ORAI2: variants seen among roughly 807,000 people sequenced by gnomAD.
The protein encoded by ORAI2 is ORAI calcium release-activated calcium modulator 2.
Under a neutral mutation model 16.2 loss-of-function variants are expected in ORAI2, and 10 were observed. The observed-to-expected ratio is 0.62, with a 90% CI of 0.38 to 1.04. The LOEUF is 1.04. ORAI2 is among the 50% of genes least tolerant of loss of function. The pLI, the probability that ORAI2 is intolerant of heterozygous loss-of-function variation, is 0.01. For missense variants in ORAI2, 238 were observed against 355.5 expected, an observed-to-expected ratio of 0.67 and a Z score of 2.66; for synonymous variants, 150 against 157.5, an observed-to-expected ratio of 0.95 and a Z score of 0.35.
chr7:102,447,119 A>T lies in ORAI2; in HGVS notation c.*67A>T. ...GTCCGCAGAGGCGGGGATTTGTCAG[A>T]TGCAGACATTTTGCAAGGCTGCCGG... On this transcript the variant is annotated 3_prime_UTR_variant, in exon 4 of 4. Transcript: ENST00000495936. The T allele has an allele frequency of 7.0e-7, 1 of 1,438,332 alleles. No homozygotes were observed. Among genetic ancestry groups the T allele is most frequent in the Non-Finnish European group, 9.1e-7 (1 of 1,098,210 alleles). The allele number at this position is 1,438,332 out of a possible 1,614,324, so 89.1% of individuals were successfully genotyped here. A position where few individuals can be genotyped will look rare whatever the true frequency, so the allele number is the denominator to read the frequency against.
At position 102,436,340 on chromosome 7, in the gene ORAI2, G is replaced by A; in HGVS notation, c.-14+7G>A. 1.0e-6 allele frequency: 1 copy of A among 985,400 alleles called. No homozygotes were observed. The highest frequency in any genetic ancestry group is 1.2e-6 in the Non-Finnish European group (1 of 829,940). The allele number at this position is 985,400 out of a possible 1,614,324, so 61.0% of individuals were successfully genotyped here. A position where few individuals can be genotyped will look rare whatever the true frequency, so the allele number is the denominator to read the frequency against. ...CATTCGTATAAATGACCTGGTAATTGGCATCCCCTGGCAGAAATAGCACAG... is the reference window on the plus strand; with the variant it reads ...CATTCGTATAAATGACCTGGTAATTAGCATCCCCTGGCAGAAATAGCACAG... On this transcript the variant is annotated splice_region_variant and intron_variant, in intron 2 of 3. Transcript: ENST00000495936.
Position 102,447,198 on chromosome 7 carries a change from C to G in ORAI2, c.*146C>G, listed in dbSNP as rs934434568. The stretch of plus-strand genomic sequence containing the variant: ...TCTTAATACCATAAGGACTGGATGA[C>G]TTCTCCTGAGATAGAACCGTTTGGT... On this transcript the variant is annotated 3_prime_UTR_variant, in exon 4 of 4. Coordinates refer to ENST00000495936, the MANE Select transcript of ORAI2 (RefSeq NM_001126340.3). 4.4e-5 allele frequency: 39 copies of G among 895,364 alleles called. No individual in the cohort carries two copies. The African/African-American group carries it at 5.4e-4, about 12-fold the overall frequency. 55.5% of individuals were successfully genotyped at this position (895,364 alleles called of 1,614,324 possible).
At position 102,437,225 on chromosome 7, in the gene ORAI2, C is replaced by T. The variant is rs558816830; in HGVS notation, c.-14+892C>T. The stretch of plus-strand genomic sequence containing the variant: ...TGTGGTCATGTGAGTTGGTGGATTT[C>T]ATTTTTCATCTTGCTAAAAGTTTGC... On this transcript the variant is annotated intron_variant, in intron 2 of 3. Transcript: ENST00000495936. 3.3e-5 allele frequency among the ~76,000 whole-genome samples: 5 copies of T among 152,304 alleles called. No homozygotes were observed. In the South Asian group the frequency reaches 6.2e-4, roughly 19 times the overall value.
intron 2 of ORAI2, among the ~76,000 whole-genome samples, chr7:102,438,255 G>A (rs1223434028): frequency 6.7e-6 from 1 of 149,906 alleles, no homozygotes; most frequent in East Asian, 2.0e-4. Context: ...GGCTGAGGCA[G>A]GAGAATCGCT....
In ORAI2 at chr7:102,453,929, A is replaced by G. The variant is rs536416157; in HGVS notation, c.*6877A>G. The G allele has an allele frequency of 6.6e-6, 1 of 152,100 alleles. No homozygotes were observed. The highest frequency in any genetic ancestry group is 2.1e-4 in the South Asian group (1 of 4,812). The allele number at this position is 152,100 out of a possible 1,614,324, so 9.4% of individuals were successfully genotyped here. A position where few individuals can be genotyped will look rare whatever the true frequency, so the allele number is the denominator to read the frequency against. ...TTTTTAGTAGAGACGGGGTTTTGCC[A>G]TGTTGGCCAGGCTGGTCTTGAACTC... On this transcript the variant is annotated 3_prime_UTR_variant, in exon 4 of 4. Coordinates refer to ENST00000495936, the MANE Select transcript of ORAI2 (RefSeq NM_001126340.3).
rs1308131670 is a variant in ORAI2 at position 102,448,311 on chromosome 7, CG to C, written c.*1260del. On this transcript the variant is annotated 3_prime_UTR_variant, in exon 4 of 4. Coordinates refer to ENST00000495936, the MANE Select transcript of ORAI2 (RefSeq NM_001126340.3). Reference sequence around the variant, plus strand: ...ACGCTCTCGGGCCGCACATGCACGCCGCAGCACCAGCTGCCCTGAGCTGCTT... The same window carrying C: ...ACGCTCTCGGGCCGCACATGCACGCCCAGCACCAGCTGCCCTGAGCTGCTT... 1 of 152,326 alleles carries C rather than the reference CG, an allele frequency of 6.6e-6. No homozygotes were observed. The highest frequency in any genetic ancestry group is 1.5e-5 in the Non-Finnish European group (1 of 68,114). 9.4% of individuals were successfully genotyped at this position (152,326 alleles called of 1,614,324 possible). A position where few individuals can be genotyped will look rare whatever the true frequency, so the allele number is the denominator to read the frequency against.
At chr7:102,442,127 C>T (rs1335839417) in intron 3 of ORAI2, among the ~76,000 whole-genome samples, 1 of 151,134 alleles carries the variant, frequency 6.6e-6, no homozygotes, top group Non-Finnish European at 1.5e-5. Flanking sequence ...CATAAAACCT[C>T]TGCATAGGCC....
chr7:102,444,654 C>CCAG (rs1351408574), intron 3 of ORAI2, among the ~76,000 whole-genome samples: 1 of 142,408 alleles, frequency 7.0e-6, no homozygotes, highest in Non-Finnish European at 1.5e-5. Flanking sequence ...AGAACCTTCC[C>CCAG]CAGGCTTCTT....
intron 3 of ORAI2, among the ~76,000 whole-genome samples, chr7:102,439,393 A>T (rs994015732): frequency 1.3e-5 from 2 of 152,162 alleles, no homozygotes; most frequent in African/African-American, 4.8e-5. Context: ...TCCCAGCTCT[A>T]GAATCTTCAG....
At chr7:102,438,874 G>T in intron 2 of ORAI2, 70 bp from the exon 3 acceptor site, 1 of 1,468,554 alleles carries the variant, frequency 6.8e-7, no homozygotes, top group South Asian at 1.2e-5. Flanking sequence ...AGGTTGAATG[G>T]GCTTGGAGTC....
intron 1 of ORAI2, among the ~76,000 whole-genome samples, chr7:102,434,311 T>C (rs1208533415): frequency 6.6e-6 from 1 of 151,984 alleles, no homozygotes; most frequent in Non-Finnish European, 1.5e-5. Flanking sequence ...ACAGTTGGCA[T>C]TGGGAACATA....
Position 102,447,064 on chromosome 7 carries a change from C to CCGGGGCTGGGAG in ORAI2, c.*16_*27dup, listed in dbSNP as rs1388810967. The CCGGGGCTGGGAG allele has an allele frequency of 5.3e-6, 8 of 1,519,278 alleles. No individual in the cohort carries two copies. Among genetic ancestry groups the CCGGGGCTGGGAG allele is most frequent in the Non-Finnish European group, 7.0e-6 (8 of 1,136,822 alleles). The allele number at this position is 1,519,278 out of a possible 1,614,324, so 94.1% of individuals were successfully genotyped here. On this transcript the variant is annotated 3_prime_UTR_variant, in exon 4 of 4. Coordinates refer to ENST00000495936, the MANE Select transcript of ORAI2 (RefSeq NM_001126340.3). ...TGCAGGTCTTGTGAGGGGCCGAGGG[C>CCGGGGCTGGGAG]CGGGGCTGGGAGCGGCCCTGTGCCC...
chr7:102,451,627 C>G lies in ORAI2; in HGVS notation c.*4575C>G, dbSNP rs1455152609. On this transcript the variant is annotated 3_prime_UTR_variant, in exon 4 of 4. Transcript: ENST00000495936. ...TGATGCTATTCAAAGTCTTTCTGTT[C>G]TTGGGGGATGCTGTGGGCAGAGGGG... is the stretch of plus-strand genomic sequence containing the variant. The G allele has an allele frequency of 6.6e-6, 1 of 152,270 alleles. No individual in the cohort carries two copies. The highest frequency in any genetic ancestry group is 2.4e-5 in the African/African-American group (1 of 41,460). The allele number at this position is 152,270 out of a possible 1,614,324, so 9.4% of individuals were successfully genotyped here.
chr7:102,442,355 C>A (rs758592665), intron 3 of ORAI2, among the ~76,000 whole-genome samples: 1 of 152,074 alleles, frequency 6.6e-6, no homozygotes, highest in Non-Finnish European at 1.5e-5. Context: ...GAGTTGGAGA[C>A]CAGCCTGGCC....
At position 102,448,690 on chromosome 7, in the gene ORAI2, C is replaced by T. The variant is rs578159215; in HGVS notation, c.*1638C>T. 4.0e-5 allele frequency: 6 copies of T among 149,640 alleles called. No individual in the cohort carries two copies. The South Asian group carries it at 1.3e-3, about 32-fold the overall frequency. 9.3% of individuals were successfully genotyped at this position (149,640 alleles called of 1,614,324 possible). On this transcript the variant is annotated 3_prime_UTR_variant, in exon 4 of 4. Coordinates refer to ENST00000495936, the MANE Select transcript of ORAI2 (RefSeq NM_001126340.3). Reference sequence around the variant, plus strand: ...TGAGATGGCGCCACTGCACTCCAGCCTGGGCGACAGAGCCAGACTCCATCT... The same window carrying T: ...TGAGATGGCGCCACTGCACTCCAGCTTGGGCGACAGAGCCAGACTCCATCT...
chr7:102,437,142 A>C (rs1210593826), intron 2 of ORAI2, among the ~76,000 whole-genome samples: 1 of 152,156 alleles, frequency 6.6e-6, no homozygotes, highest in Admixed American at 6.6e-5. Flanking sequence ...GTGTTAGTCA[A>C]ACCAGATGTT....
rs572294367 is a variant in ORAI2, at chr7:102,447,122, C to T, written c.*70C>T. 5.4e-5 allele frequency: 78 copies of T among 1,433,722 alleles called. 1 individual carries two copies. The Admixed American group carries it at 1.5e-3, about 27-fold the overall frequency. The allele number at this position is 1,433,722 out of a possible 1,614,324, so 88.8% of individuals were successfully genotyped here. ...CGCAGAGGCGGGGATTTGTCAGATGCAGACATTTTGCAAGGCTGCCGGGTA... is the reference window on the plus strand; with the variant it reads ...CGCAGAGGCGGGGATTTGTCAGATGTAGACATTTTGCAAGGCTGCCGGGTA... On this transcript the variant is annotated 3_prime_UTR_variant, in exon 4 of 4. Coordinates refer to ENST00000495936, the MANE Select transcript of ORAI2 (RefSeq NM_001126340.3).
rs1211151614 is a variant in ORAI2 at position 102,453,578 on chromosome 7, C to T, written c.*6526C>T. The T allele has an allele frequency of 6.6e-6, 1 of 152,248 alleles. No homozygotes were observed. The highest frequency in any genetic ancestry group is 1.9e-4 in the East Asian group (1 of 5,190). The allele number at this position is 152,248 out of a possible 1,614,324, so 9.4% of individuals were successfully genotyped here. Reference sequence around the variant, plus strand: ...TGGGCAGTGGCCTCAGTACCGAGCCCCAGGCCAGCAAGCCCACAAGCCTCG... The same window carrying T: ...TGGGCAGTGGCCTCAGTACCGAGCCTCAGGCCAGCAAGCCCACAAGCCTCG... On this transcript the variant is annotated 3_prime_UTR_variant, in exon 4 of 4. Coordinates refer to ENST00000495936, the MANE Select transcript of ORAI2 (RefSeq NM_001126340.3).
At chr7:102,434,149 A>G (rs1409039194) in intron 1 of ORAI2, among the ~76,000 whole-genome samples, 1 of 130,218 alleles carries the variant, frequency 7.7e-6, no homozygotes. Context: ...AAAAAAAGCA[A>G]CCCCACAAGG....
Sources: gnomAD v4.1 joint callset for allele counts (sites outside exome capture counted in the v4.1 genomes callset) on GRCh38, gnomAD v4.1.1 for gene constraint, MANE v1.5 for transcripts, NCBI Gene and HGNC (gene_info 2026-07-23, HGNC 2026-07-21) for gene names.